Variants in L3MBTL1 observed in about 807,000 individuals in gnomAD.
L3MBTL1 encodes the protein L3MBTL histone methyl-lysine binding protein 1.
L3MBTL1 carries 75 observed loss-of-function variants against 105.3 expected under a neutral mutation model. The observed-to-expected ratio is 0.71, with a 90% confidence interval of 0.59 to 0.86. The LOEUF (loss-of-function observed/expected upper bound fraction) is 0.86. L3MBTL1 is among the 40% of genes least tolerant of loss of function. The pLI is 0.00. For synonymous variants in L3MBTL1, 452 were observed against 436.2 expected, an observed-to-expected ratio of 1.04 and a Z score of -0.45; for missense variants, 1,069 against 1,126.4, an observed-to-expected ratio of 0.95 and a Z score of 0.73.
At position 43,516,099 on chromosome 20, in the gene L3MBTL1, CAAG is replaced by C; in HGVS notation, c.791_793del (p.Glu264del). The C allele has an allele frequency of 1.9e-6, 3 of 1,613,426 alleles. No homozygotes were observed. Among genetic ancestry groups the C allele is most frequent in the Middle Eastern group, 3.3e-4 (2 of 6,056 alleles). ...TCAGGCTTGCCTTCTACAGGAGAAG[CAAG>C]AAGAAGGAAAGGACCCAGAGGGACA... On this transcript the variant is annotated inframe_deletion, in exon 7 of 22. Transcript: ENST00000418998.
At chr20:43,544,189 G>A (rs1418513584), downstream of L3MBTL1, among the ~76,000 whole-genome samples, 1 of 152,206 alleles carries the variant, frequency 6.6e-6, no homozygotes, top group Non-Finnish European at 1.5e-5. Flanking sequence ...GCTCCTGGTA[G>A]ACCACACCTT....
chr20:43,530,500 A>C lies in L3MBTL1; in HGVS notation c.1192+81A>C, dbSNP rs1600937541. On this transcript the variant is annotated intron_variant, in intron 10 of 21. Transcript: ENST00000418998. ...TCTTCCCCTTGGGTCCCCGGCTTCC[A>C]GCTCTTTTGTTTTCTGACCCTGTAC... 9 of 1,484,562 alleles carry C rather than the reference A, an allele frequency of 6.1e-6. No homozygotes were observed. The East Asian group carries it at 2.0e-4, about 34-fold the overall frequency. 92.0% of individuals were successfully genotyped at this position (1,484,562 alleles called of 1,614,324 possible).
At chr20:43,530,221 G>A in intron 9 of L3MBTL1, 63 bp from the exon 10 acceptor site, 1 of 1,606,132 alleles carries the variant, frequency 6.2e-7, no homozygotes, top group South Asian at 1.1e-5. Flanking sequence ...CAGGAGAGGT[G>A]AGGCAGATGG....
intron 3 of L3MBTL1, 28 bp from the exon 4 acceptor site, chr20:43,514,607 G>T: frequency 6.3e-7 from 1 of 1,597,914 alleles, no homozygotes. Flanking sequence ...TACGGGAGTC[G>T]CAATCCTCAG....
intron 11 of L3MBTL1, chr20:43,532,383 T>A: frequency 5.3e-6 from 1 of 190,312 alleles, no homozygotes; most frequent in Non-Finnish European, 1.1e-5. Context: ...TCTGCCTCTA[T>A]GCCATAGATG....
At chr20:43,525,130 G>A (rs946553713) in intron 7 of L3MBTL1, among the ~76,000 whole-genome samples, 4 of 149,958 alleles carry the variant, frequency 2.7e-5, no homozygotes, top group Non-Finnish European at 4.5e-5. Context: ...AAAAAAAAAA[G>A]GCATAAAGTA....
exon 19 of L3MBTL1, chr20:43,548,264 C>T (rs1023025566): frequency 2.3e-6 from 3 of 1,300,468 alleles, no homozygotes; most frequent in Non-Finnish European, 3.0e-6. Context: ...GGGCTGGGCC[C>T]TCCTGCAGCC....
chr20:43,537,807 C>G (rs79616507), intron 19 of L3MBTL1, among the ~76,000 whole-genome samples: 2 of 152,172 alleles, frequency 1.3e-5, no homozygotes, highest in South Asian at 2.1e-4. Context: ...CCCAATTCTT[C>G]AAGAACAGTC....
At chr20:43,509,459 T>C (rs1023942791) in intron 1 of L3MBTL1, among the ~76,000 whole-genome samples, 1 of 152,202 alleles carries the variant, frequency 6.6e-6, no homozygotes, top group Non-Finnish European at 1.5e-5. Context: ...ACTCCTGGGC[T>C]CAAGTGATCC....
intron 1 of L3MBTL1, among the ~76,000 whole-genome samples, chr20:43,511,944 G>T (rs1391704122): frequency 6.6e-6 from 1 of 151,988 alleles, no homozygotes; most frequent in Non-Finnish European, 1.5e-5. Flanking sequence ...TGGGAATGTT[G>T]GTCAAGCAAT....
intron 7 of L3MBTL1, among the ~76,000 whole-genome samples, chr20:43,524,637 T>C (rs1446200226): frequency 6.6e-6 from 1 of 151,508 alleles, no homozygotes; most frequent in Non-Finnish European, 1.5e-5. Context: ...TCCATCCTTA[T>C]AGTCATTTAA....
chr20:43,512,578 C>T (rs761335856), intron 1 of L3MBTL1, among the ~76,000 whole-genome samples: 16 of 152,136 alleles, frequency 1.1e-4, no homozygotes, highest in Non-Finnish European at 2.4e-4. Context: ...GTCATAGTAG[C>T]CCATTTCAAG....
chr20:43,509,764 G>A (rs1415658770), intron 1 of L3MBTL1, among the ~76,000 whole-genome samples: 1 of 152,224 alleles, frequency 6.6e-6, no homozygotes, highest in Non-Finnish European at 1.5e-5. Flanking sequence ...TTCTTCAATA[G>A]ACCTGAGATG....
At chr20:43,534,482 A>G (rs1192349751) in intron 15 of L3MBTL1, 88 bp downstream of exon 15, 1 of 1,004,456 alleles carries the variant, frequency 1.0e-6, no homozygotes, top group African/African-American at 1.6e-5. Flanking sequence ...GCATCATGGC[A>G]TGAGAGAGAT....
chr20:43,521,869 A>G (rs939686795), intron 7 of L3MBTL1, among the ~76,000 whole-genome samples: 4 of 152,170 alleles, frequency 2.6e-5, no homozygotes, highest in African/African-American at 9.7e-5. Flanking sequence ...TTTTATTTAT[A>G]GTAAACTTTA....
At chr20:43,536,869 T>A (rs1222281149) in intron 19 of L3MBTL1, among the ~76,000 whole-genome samples, 1 of 152,244 alleles carries the variant, frequency 6.6e-6, no homozygotes, top group Non-Finnish European at 1.5e-5. Flanking sequence ...AGTAACTGGA[T>A]AAAACCTGCC....
intron 19 of L3MBTL1, chr20:43,538,866 G>A (rs2019764932): frequency 6.6e-6 from 1 of 152,298 alleles, no homozygotes; most frequent in Admixed American, 6.5e-5. Flanking sequence ...GGAGTACCTG[G>A]GTGTACCAGA....
chr20:43,540,469 GCTGA>G (rs1325768793), intron 20 of L3MBTL1, among the ~76,000 whole-genome samples, 161 bp downstream of exon 20: 1 of 152,124 alleles, frequency 6.6e-6, no homozygotes, highest in African/African-American at 2.4e-5. Context: ...CCCAGTAGGG[GCTGA>G]CTGAGACCCT....
chr20:43,534,924 C>T lies in L3MBTL1; in HGVS notation c.1807C>T (p.Pro603Ser), dbSNP rs1244198582. ...PAGWCSKTGH[P>S]LQPPLGPREP... ...CGGCTGGTGCTCCAAGACAGGACAT[C>T]CCCTGCAGCCTCCTCTCGGTGTGTA... is the stretch of plus-strand genomic sequence containing the variant. The change falls in exon 16 of 22, where the codon CCC (proline) becomes TCC (serine). Residue 603 changes from proline (P) to serine (S), a missense_variant. Physicochemically the swap from Pro to Ser is moderately conservative, Grantham distance 74. Transcript: ENST00000418998. The T allele has an allele frequency of 2.5e-6, 4 of 1,603,526 alleles. No homozygotes were observed. The highest frequency in any genetic ancestry group is 1.3e-5 in the African/African-American group (1 of 74,086).
Sources: allele counts gnomAD v4.1 joint callset (sites outside exome capture counted in the v4.1 genomes callset), GRCh38; gene constraint gnomAD v4.1.1; transcripts MANE v1.5; gene names NCBI Gene and HGNC (gene_info 2026-07-23, HGNC 2026-07-21).